The following FRMD4B variants were observed in gnomAD, a reference collection of about 807,000 sequenced individuals.
FRMD4B encodes the protein FERM domain containing 4B.
A neutral mutation model predicts 141.5 loss-of-function variants in FRMD4B; 74 were observed. That is an observed-to-expected ratio of 0.52 (90% confidence interval 0.43 to 0.63). The LOEUF is 0.63. Ranked by LOEUF, FRMD4B falls within the 30% of genes least tolerant of loss-of-function variation. The pLI, the probability that FRMD4B is intolerant of heterozygous loss-of-function variation, is 0.00. For missense variants in FRMD4B, 1,366 were observed against 1,253.4 expected (o/e 1.09, Z -1.36); for synonymous variants, 506 against 467.9 (o/e 1.08, Z -1.05).
chr3:69,327,243 T>C (rs539318118), intron 1 of FRMD4B, among the ~76,000 whole-genome samples: 1 of 152,312 alleles, frequency 6.6e-6, no homozygotes, highest in African/African-American at 2.4e-5. Context: ...AAAAACAACC[T>C]GTAGGAAGGA....
intron 1 of FRMD4B, among the ~76,000 whole-genome samples, chr3:69,325,767 A>G (rs1485964302): frequency 6.6e-6 from 1 of 152,170 alleles, no homozygotes; most frequent in Non-Finnish European, 1.5e-5. Context: ...TACACCATTT[A>G]TTGAGTATAG....
At chr3:69,538,615 C>T (rs997169382) in intron 1 of FRMD4B, among the ~76,000 whole-genome samples, 1 of 152,006 alleles carries the variant, frequency 6.6e-6, no homozygotes, top group Admixed American at 6.5e-5. Context: ...ATTGAAAAAA[C>T]ACTGTCTTAT....
chr3:69,270,561 CTT>C (rs200800689), intron 5 of FRMD4B, among the ~76,000 whole-genome samples: 1,552 of 141,106 alleles, frequency 0.011, 18 homozygotes, highest in Middle Eastern at 0.019. Context: ...TTCTTTTTTT[CTT>C]TTTTTCTTTT....
chr3:69,259,308 G>A (rs1009406796), intron 5 of FRMD4B, among the ~76,000 whole-genome samples: 15 of 152,206 alleles, frequency 9.9e-5, no homozygotes, highest in African/African-American at 3.6e-4. Flanking sequence ...GAGTGATTGG[G>A]AGCGGCTGTA....
rs3032130 is a variant in FRMD4B at position 69,263,817 on chromosome 3, CTTTTTTTTTT to C, written c.502-13728_502-13719del. On this transcript the variant is annotated intron_variant, in intron 5 of 22. Transcript: ENST00000398540. ...ATCTGACTGAATGGCAACCCCATTC[CTTTTTTTTTT>C]TTTTTTTTTTTTTTTGAGACAGAGT... Among the ~76,000 whole-genome samples, 456 of 68,588 alleles carry C rather than the reference CTTTTTTTTTT, an allele frequency of 6.6e-3. 3 individuals carry two copies. Among genetic ancestry groups the C allele is most frequent in the African/African-American group, 0.026 (439 of 16,684 alleles). 45.0% of individuals were successfully genotyped at this position (68,588 alleles called of 152,430 possible).
At chr3:69,230,700 A>T (rs1246993265) in intron 7 of FRMD4B, among the ~76,000 whole-genome samples, 1 of 151,906 alleles carries the variant, frequency 6.6e-6, no homozygotes, top group Non-Finnish European at 1.5e-5. Flanking sequence ...GTGAGTTGAG[A>T]TCGCATCATC....
intron 1 of FRMD4B, among the ~76,000 whole-genome samples, chr3:69,476,313 C>T (rs1459340961): frequency 3.9e-5 from 6 of 152,018 alleles, no homozygotes; most frequent in African/African-American, 1.5e-4. Flanking sequence ...CCTAGGTTTT[C>T]TTCTAGGGTT....
At chr3:69,295,665 A>C (rs1371926545) in intron 4 of FRMD4B, among the ~76,000 whole-genome samples, 2 of 152,008 alleles carry the variant, frequency 1.3e-5, no homozygotes, top group Non-Finnish European at 2.9e-5. Context: ...GATGCTGCTA[A>C]AGATCCTACA....
intron 21 of FRMD4B, among the ~76,000 whole-genome samples, chr3:69,179,374 T>G (rs1003344460): frequency 6.6e-6 from 1 of 152,204 alleles, no homozygotes. Flanking sequence ...TCCCTTGTAG[T>G]ACTCTGTCTG....
chr3:69,221,363 A>G (rs2093193034), intron 9 of FRMD4B, among the ~76,000 whole-genome samples: 2 of 152,234 alleles, frequency 1.3e-5, no homozygotes, highest in Admixed American at 1.3e-4. Flanking sequence ...TCTAACACCA[A>G]TATACTATAC....
Position 69,192,686 on chromosome 3 carries a change from T to G in FRMD4B, c.1714+962A>C, listed in dbSNP as rs573128790. On this transcript the variant is annotated intron_variant, in intron 17 of 22. Coordinates refer to ENST00000398540, the MANE Select transcript of FRMD4B (RefSeq NM_015123.3). ...CACAACTGTTAGTATTTTGAAATAT[T>G]TCTCAGCCAGTCTTTGTGTGTGCAT... 2.0e-4 allele frequency among the ~76,000 whole-genome samples: 31 copies of G among 152,342 alleles called. No individual in the cohort carries two copies. The South Asian group carries it at 6.4e-3, about 32-fold the overall frequency.
At chr3:69,507,945 G>A (rs370309483) in intron 1 of FRMD4B, among the ~76,000 whole-genome samples, 1 of 152,154 alleles carries the variant, frequency 6.6e-6, no homozygotes, top group African/African-American at 2.4e-5. Flanking sequence ...ATGTTCCTAC[G>A]CAAGGCCATA....
chr3:69,391,520 T>G, intron 2 of FRMD4B, among the ~76,000 whole-genome samples: 1 of 151,618 alleles, frequency 6.6e-6, no homozygotes, highest in East Asian at 1.9e-4. Flanking sequence ...GTCCTTGCGA[T>G]AGTTTGCTCA....
chr3:69,185,199 G>A (rs2092752007), intron 19 of FRMD4B, among the ~76,000 whole-genome samples: 1 of 151,562 alleles, frequency 6.6e-6, no homozygotes, highest in Non-Finnish European at 1.5e-5. Flanking sequence ...TACTCAGGAG[G>A]TTGAGGCAGG....
At chr3:69,185,898 C>T (rs1227238678) in intron 19 of FRMD4B, among the ~76,000 whole-genome samples, 3 of 151,814 alleles carry the variant, frequency 2.0e-5, no homozygotes, top group African/African-American at 4.8e-5. Flanking sequence ...AAAAACTTGC[C>T]GGGTGTGGTG....
intron 1 of FRMD4B, chr3:69,541,340 T>C (rs1701181217): frequency 6.6e-6 from 1 of 152,094 alleles, no homozygotes; most frequent in South Asian, 2.1e-4. Flanking sequence ...ATCGCAGGAA[T>C]GTTCAGGATA....
intron 1 of FRMD4B, among the ~76,000 whole-genome samples, chr3:69,528,626 A>G (rs945536496): frequency 6.6e-6 from 1 of 152,092 alleles, no homozygotes; most frequent in Non-Finnish European, 1.5e-5. Context: ...TTGGCTTCCC[A>G]AAGTGCTGGG....
At chr3:69,180,441 T>C (rs1291045291) in intron 21 of FRMD4B, among the ~76,000 whole-genome samples, 2 of 152,088 alleles carry the variant, frequency 1.3e-5, no homozygotes, top group African/African-American at 4.8e-5. Context: ...TCTAATGTTT[T>C]CTGCTTACCT....
chr3:69,419,209 A>T (rs1371119136), intron 2 of FRMD4B, among the ~76,000 whole-genome samples: 3 of 152,238 alleles, frequency 2.0e-5, no homozygotes, highest in Non-Finnish European at 4.4e-5. Context: ...TAGAAATCCA[A>T]CTGAAACTGA....
Sources: gnomAD v4.1 joint callset for allele counts (sites outside exome capture counted in the v4.1 genomes callset) on GRCh38, gnomAD v4.1.1 for gene constraint, MANE v1.5 for transcripts, NCBI Gene and HGNC (gene_info 2026-07-23, HGNC 2026-07-21) for gene names.